Variants in SLC2A9 observed in about 807,000 individuals in gnomAD.
SLC2A9 encodes solute carrier family 2, facilitated glucose transporter member 9.
SLC2A9 carries 39 observed loss-of-function variants against 50.6 expected under a neutral mutation model. The observed-to-expected ratio is 0.77, with a 90% CI of 0.60 to 1.01. The LOEUF (loss-of-function observed/expected upper bound fraction) is 1.01, where lower values mean the gene tolerates loss of function less well. Ranked by LOEUF, SLC2A9 falls within the 50% of genes least tolerant of loss-of-function variation. The pLI is 0.00. For synonymous variants in SLC2A9, 324 were observed against 276.9 expected, an observed-to-expected ratio of 1.17 and a Z score of -1.69; for missense variants, 686 against 677.6, an observed-to-expected ratio of 1.01 and a Z score of -0.14.
intron 8 of SLC2A9, among the ~76,000 whole-genome samples, chr4:9,893,169 C>G (rs1737846822): frequency 6.6e-6 from 1 of 152,162 alleles, no homozygotes; most frequent in African/African-American, 2.4e-5. Context: ...AGTGTCTCAC[C>G]TGGTCCAGCT....
intron 1 of SLC2A9, among the ~76,000 whole-genome samples, chr4:10,032,742 C>A (rs553470626): frequency 2.6e-5 from 4 of 152,168 alleles, no homozygotes; most frequent in Non-Finnish European, 5.9e-5. Context: ...TTACCCAGCC[C>A]GTGCAGCTCT....
At chr4:9,798,076 TC>T (rs138592450), downstream of SLC2A9, among the ~76,000 whole-genome samples, 489 of 152,310 alleles carry the variant, frequency 3.2e-3, 5 homozygotes, top group Non-Finnish European at 4.7e-3. Context: ...TTTATTTTTG[TC>T]CCTATCCCCT....
chr4:9,829,056 G>C (rs186469336), intron 11 of SLC2A9, among the ~76,000 whole-genome samples: 2 of 152,218 alleles, frequency 1.3e-5, no homozygotes. Context: ...TTTCCCAAGG[G>C]ACCTGATGGG....
In SLC2A9 at chr4:9,879,996, G is replaced by A. The variant is rs368212474; in HGVS notation, c.1291+7571C>T. ...GTTCCTCACAGAAGCTGCCTCAGGCGGCCTCCTGGCCCTCTCCTGGGAGAT... is the reference window on the plus strand; with the variant it reads ...GTTCCTCACAGAAGCTGCCTCAGGCAGCCTCCTGGCCCTCTCCTGGGAGAT... On this transcript the variant is annotated intron_variant, in intron 10 of 11. Coordinates refer to ENST00000264784, the MANE Select transcript of SLC2A9 (RefSeq NM_020041.3). 22 of 985,320 alleles carry A rather than the reference G, an allele frequency of 2.2e-5. No homozygotes were observed. The East Asian group carries it at 1.2e-3, about 56-fold the overall frequency. 61.0% of individuals were successfully genotyped at this position (985,320 alleles called of 1,614,324 possible).
At chr4:9,812,014 A>G (rs1722958733) in intron 3 of SLC2A9, among the ~76,000 whole-genome samples, 1 of 152,250 alleles carries the variant, frequency 6.6e-6, no homozygotes, top group African/African-American at 2.4e-5. Context: ...TTAAGCAAAT[A>G]AGAAACTTCC....
At chr4:9,775,794 C>G (rs1360911509), downstream of SLC2A9, among the ~76,000 whole-genome samples, 1 of 152,206 alleles carries the variant, frequency 6.6e-6, no homozygotes, top group Admixed American at 6.5e-5. Context: ...AAACTCTTTT[C>G]TTTATAAATT....
At chr4:9,994,316 A>ATGG (rs1391713680) in intron 3 of SLC2A9, among the ~76,000 whole-genome samples, 6 of 152,318 alleles carry the variant, frequency 3.9e-5, no homozygotes, top group Admixed American at 1.3e-4. Context: ...AGGTCAATAG[A>ATGG]TGGTAGCTTT....
In SLC2A9 at chr4:9,920,665, G is replaced by C. The variant is rs926504663; in HGVS notation, c.815-93C>G. ...CTGCAGGGACGGGTCCCACCTCCTA[G>C]CCACACACCTTAGCTGGGGGCGGAA... On this transcript the variant is annotated intron_variant, in intron 6 of 11. Transcript: ENST00000264784. 2.1e-6 allele frequency: 3 copies of C among 1,451,506 alleles called. No homozygotes were observed. The African/African-American group carries it at 4.2e-5, about 20-fold the overall frequency. The allele number at this position is 1,451,506 out of a possible 1,614,324, so 89.9% of individuals were successfully genotyped here.
chr4:9,896,889 T>G (rs555168714), intron 8 of SLC2A9, among the ~76,000 whole-genome samples: 10 of 152,250 alleles, frequency 6.6e-5, no homozygotes, highest in African/African-American at 2.4e-4. Flanking sequence ...TTCTGTTCCA[T>G]TGATCTGTGG....
At chr4:9,918,658 G>A (rs1196222636) in intron 7 of SLC2A9, among the ~76,000 whole-genome samples, 3 of 152,202 alleles carry the variant, frequency 2.0e-5, no homozygotes, top group African/African-American at 4.8e-5. Flanking sequence ...AGTGCTACAT[G>A]CATGTGCACT....
intron 4 of SLC2A9, among the ~76,000 whole-genome samples, chr4:9,982,910 C>T (rs1427726776): frequency 6.6e-6 from 1 of 152,152 alleles, no homozygotes; most frequent in Non-Finnish European, 1.5e-5. Context: ...GCTAACGTTG[C>T]CCAGACGGGA....
intron 2 of SLC2A9, among the ~76,000 whole-genome samples, chr4:10,018,633 T>C (rs1471928969): frequency 6.6e-6 from 1 of 151,238 alleles, no homozygotes; most frequent in Non-Finnish European, 1.5e-5. Context: ...CAAGTTTCCA[T>C]GCATAAGGCC....
In SLC2A9 at chr4:9,884,006, C is replaced by T. The variant is rs530673926; in HGVS notation, c.1291+3561G>A. ...CTTTCTCCTTTTCACCTACTGGATG[C>T]AGTAGACCAGAGACACTCGGGGTTG... On this transcript the variant is annotated intron_variant, in intron 10 of 11. Coordinates refer to ENST00000264784, the MANE Select transcript of SLC2A9 (RefSeq NM_020041.3). Among the ~76,000 whole-genome samples the T allele has an allele frequency of 1.9e-4, 29 of 152,316 alleles. No homozygotes were observed. The South Asian group carries it at 5.8e-3, about 30-fold the overall frequency.
At chr4:9,814,449 T>C (rs538202652) in intron 3 of SLC2A9, among the ~76,000 whole-genome samples, 3 of 152,356 alleles carry the variant, frequency 2.0e-5, no homozygotes, top group African/African-American at 7.2e-5. Context: ...GAGAAAAACA[T>C]GGCCAGAAAC....
intron 7 of SLC2A9, among the ~76,000 whole-genome samples, chr4:9,913,543 T>A (rs1742284662): frequency 1.3e-5 from 2 of 152,284 alleles, no homozygotes; most frequent in African/African-American, 4.8e-5. Context: ...CACCTACTGT[T>A]TCCAGGGACC....
At chr4:9,813,994 T>C (rs1204946982) in intron 3 of SLC2A9, among the ~76,000 whole-genome samples, 1 of 151,938 alleles carries the variant, frequency 6.6e-6, no homozygotes, top group East Asian at 1.9e-4. Flanking sequence ...ATAAAAAAGA[T>C]CCAGGCGTGG....
At chr4:9,857,423 C>T (rs546163823) in intron 10 of SLC2A9, among the ~76,000 whole-genome samples, 12 of 152,304 alleles carry the variant, frequency 7.9e-5, no homozygotes, top group East Asian at 5.8e-4. Flanking sequence ...TGTTGTTCTC[C>T]GGCTCAGACC....
chr4:9,929,509 C>G (rs1745509811), intron 6 of SLC2A9, among the ~76,000 whole-genome samples: 1 of 152,178 alleles, frequency 6.6e-6, no homozygotes, highest in Non-Finnish European at 1.5e-5. Flanking sequence ...GGCTGAGCAG[C>G]TTCCTGGCCA....
chr4:9,873,715 T>G (rs1334714311), intron 10 of SLC2A9, among the ~76,000 whole-genome samples: 1 of 152,148 alleles, frequency 6.6e-6, no homozygotes, highest in Non-Finnish European at 1.5e-5. Context: ...GAGGAAATCA[T>G]CTAGCTGAGA....
Sources: allele counts gnomAD v4.1 joint callset (sites outside exome capture counted in the v4.1 genomes callset), GRCh38; gene constraint gnomAD v4.1.1; transcripts MANE v1.5; gene names NCBI Gene and HGNC (gene_info 2026-07-23, HGNC 2026-07-21).